SPOCK1: variants seen among roughly 807,000 people sequenced by gnomAD.
SPOCK1 encodes the protein SPARC (osteonectin), cwcv and kazal like domains proteoglycan 1, also known as testican-1.
A neutral mutation model predicts 55.3 loss-of-function variants in SPOCK1; 23 were observed. The ratio of observed to expected loss-of-function variants is 0.42; its 90% CI spans 0.30 to 0.59. The LOEUF (loss-of-function observed/expected upper bound fraction) is 0.59. Ranked by LOEUF, SPOCK1 falls within the 20% of genes least tolerant of loss-of-function variation. The pLI is 0.22. For synonymous variants in SPOCK1, 226 were observed against 221.0 expected, an observed-to-expected ratio of 1.02 and a Z score of -0.20; for missense variants, 499 against 552.5, an observed-to-expected ratio of 0.90 and a Z score of 0.97.
intron 3 of SPOCK1, among the ~76,000 whole-genome samples, chr5:137,239,005 T>G (rs570680352): frequency 6.6e-6 from 1 of 152,340 alleles, no homozygotes; most frequent in East Asian, 1.9e-4. Flanking sequence ...TAAGATCCTT[T>G]TAACCCCATA....
intron 3 of SPOCK1, among the ~76,000 whole-genome samples, chr5:137,144,375 G>A (rs113587045): frequency 0.016 from 2,495 of 152,196 alleles, 38 homozygotes; most frequent in Middle Eastern, 0.027. Context: ...AAAACTGTTC[G>A]TTATTAAACT....
intron 2 of SPOCK1, among the ~76,000 whole-genome samples, chr5:137,297,221 T>C (rs556391409): frequency 1.3e-5 from 2 of 152,326 alleles, no homozygotes; most frequent in Admixed American, 1.3e-4. Flanking sequence ...AATAAGTGTG[T>C]ATGTGTCTAC....
At chr5:137,166,559 T>C (rs1380286441) in intron 3 of SPOCK1, among the ~76,000 whole-genome samples, 1 of 152,086 alleles carries the variant, frequency 6.6e-6, no homozygotes, top group East Asian at 1.9e-4. Flanking sequence ...GTAAACTACT[T>C]ATCTTAAATA....
chr5:137,037,353 G>T (rs930079681), intron 6 of SPOCK1, among the ~76,000 whole-genome samples: 7 of 150,234 alleles, frequency 4.7e-5, no homozygotes, highest in African/African-American at 1.7e-4. Context: ...GAACACATGT[G>T]TACCACACAT....
intron 3 of SPOCK1, among the ~76,000 whole-genome samples, chr5:137,142,279 G>T (rs528956226): frequency 1.3e-5 from 2 of 152,290 alleles, no homozygotes; most frequent in South Asian, 4.1e-4. Context: ...TAGCCATCCT[G>T]ACTCCTCAGC....
At chr5:137,228,341 C>T (rs902593075) in intron 3 of SPOCK1, among the ~76,000 whole-genome samples, 2 of 152,150 alleles carry the variant, frequency 1.3e-5, no homozygotes, top group African/African-American at 4.8e-5. Flanking sequence ...CAATATGAGA[C>T]TTAAAAAACT....
At chr5:137,328,685 G>A (rs1758118967) in intron 2 of SPOCK1, among the ~76,000 whole-genome samples, 3 of 152,158 alleles carry the variant, frequency 2.0e-5, no homozygotes, top group South Asian at 4.1e-4. Flanking sequence ...CTAAGGAGCA[G>A]GTGCTATTCT....
At chr5:137,369,720 C>T (rs370790623) in intron 2 of SPOCK1, among the ~76,000 whole-genome samples, 20 of 152,302 alleles carry the variant, frequency 1.3e-4, no homozygotes, top group African/African-American at 4.6e-4. Context: ...AATTCAGTTC[C>T]GTGGTGAAGG....
intron 3 of SPOCK1, among the ~76,000 whole-genome samples, chr5:137,171,555 C>T (rs1304437578): frequency 6.6e-6 from 1 of 152,112 alleles, no homozygotes; most frequent in African/African-American, 2.4e-5. Context: ...ATTCCACCCA[C>T]CAGTTTTAAG....
chr5:137,081,884 C>A (rs1359509836), intron 5 of SPOCK1, among the ~76,000 whole-genome samples: 3 of 152,196 alleles, frequency 2.0e-5, no homozygotes, highest in Non-Finnish European at 4.4e-5. Flanking sequence ...AGAGTCGATT[C>A]TCTGATGATG....
At chr5:137,133,764 T>G (rs531012312) in intron 4 of SPOCK1, among the ~76,000 whole-genome samples, 1 of 152,176 alleles carries the variant, frequency 6.6e-6, no homozygotes, top group East Asian at 1.9e-4. Flanking sequence ...TGACATGTGG[T>G]TTGAATGATT....
At position 137,031,937 on chromosome 5, in the gene SPOCK1, T is replaced by C. The variant is rs146337628; in HGVS notation, c.589+35778A>G. On this transcript the variant is annotated intron_variant, in intron 6 of 10. Transcript: ENST00000394945. ...AGATACATACACACACATACATACA[T>C]ATGTGTGTGTATATTATATATATGC... Among the ~76,000 whole-genome samples the C allele has an allele frequency of 4.2e-3, 638 of 150,494 alleles. 6 individuals carry two copies. The highest frequency in any genetic ancestry group is 0.015 in the African/African-American group (617 of 41,172).
intron 2 of SPOCK1, among the ~76,000 whole-genome samples, chr5:137,380,253 A>G (rs1751434168): frequency 6.6e-6 from 1 of 152,228 alleles, no homozygotes. Flanking sequence ...CAACATCCAA[A>G]GCTAAAAATG....
intron 5 of SPOCK1, among the ~76,000 whole-genome samples, chr5:137,099,095 T>A (rs1426105883): frequency 6.6e-6 from 1 of 152,216 alleles, no homozygotes; most frequent in Non-Finnish European, 1.5e-5. Flanking sequence ...GCCCACACCT[T>A]TTTTATCTTT....
intron 3 of SPOCK1, among the ~76,000 whole-genome samples, chr5:137,160,327 T>C (rs1470740306): frequency 8.0e-6 from 1 of 124,268 alleles, no homozygotes; most frequent in Non-Finnish European, 1.7e-5. Context: ...CCATAATATA[T>C]ATATTATATA....
chr5:137,431,577 A>G (rs947523268), intron 2 of SPOCK1, among the ~76,000 whole-genome samples: 1 of 152,202 alleles, frequency 6.6e-6, no homozygotes, highest in Non-Finnish European at 1.5e-5. Context: ...TGTTTGGGTC[A>G]TGAGGGTCTC....
rs1461667696 is a variant in SPOCK1, at chr5:137,129,096, T to C, written c.347+11484A>G. 2.0e-5 allele frequency among the ~76,000 whole-genome samples: 3 copies of C among 152,238 alleles called. No homozygotes were observed. In the South Asian group the frequency reaches 6.2e-4, roughly 32 times the overall value. ...ACAAAACATCCCATCATACCTGGTC[T>C]GAGAGCTGCGCATGTCCTCATGGTC... On this transcript the variant is annotated intron_variant, in intron 4 of 10. Transcript: ENST00000394945.
intron 3 of SPOCK1, among the ~76,000 whole-genome samples, chr5:137,169,701 C>T (rs1754712054): frequency 6.6e-6 from 1 of 152,166 alleles, no homozygotes; most frequent in South Asian, 2.1e-4. Context: ...GGTGGTTTCA[C>T]ATGGATTATC....
intron 6 of SPOCK1, among the ~76,000 whole-genome samples, chr5:137,035,741 G>C (rs7735488): frequency 0.42 from 64,404 of 152,054 alleles, 13,983 homozygotes; most frequent in South Asian, 0.45. Context: ...CTGTGGTGGG[G>C]AGCATGTGTC....
Sources: gnomAD v4.1 joint callset for allele counts (sites outside exome capture counted in the v4.1 genomes callset) on GRCh38, gnomAD v4.1.1 for gene constraint, MANE v1.5 for transcripts, NCBI Gene and HGNC (gene_info 2026-07-23, HGNC 2026-07-21) for gene names.